The following ROBO1 variants were observed in gnomAD, a reference collection of about 807,000 sequenced individuals.
ROBO1 encodes the protein roundabout homolog 1.
ROBO1 carries 149 observed loss-of-function variants against 195.9 expected under a neutral mutation model. That is an observed-to-expected ratio of 0.76 (90% confidence interval 0.67 to 0.87). The LOEUF is 0.87. Ranked by LOEUF, ROBO1 falls within the 40% of genes least tolerant of loss-of-function variation. ROBO1 has a pLI of 0.00. For synonymous variants in ROBO1, 816 were observed against 733.2 expected (o/e 1.11, Z -1.82); for missense variants, 1,933 against 2,068.3 (o/e 0.93, Z 1.27).
At chr3:78,976,851 C>G (rs1052756699) in intron 3 of ROBO1, among the ~76,000 whole-genome samples, 3 of 152,114 alleles carry the variant, frequency 2.0e-5, no homozygotes. Context: ...TATTAATTTT[C>G]TCCAAAACGT....
At chr3:79,122,923 T>A (rs1346970846) in intron 3 of ROBO1, among the ~76,000 whole-genome samples, 1 of 151,868 alleles carries the variant, frequency 6.6e-6, no homozygotes, top group Non-Finnish European at 1.5e-5. Context: ...CTCAATGAAA[T>A]GAAGCAACAT....
At chr3:78,894,131 T>G (rs1451273719) in intron 4 of ROBO1, among the ~76,000 whole-genome samples, 1 of 152,180 alleles carries the variant, frequency 6.6e-6, no homozygotes, top group Non-Finnish European at 1.5e-5. Context: ...AAAGAATATA[T>G]GGTTCTAACG....
At chr3:79,079,319 C>T (rs2079229460) in intron 3 of ROBO1, among the ~76,000 whole-genome samples, 1 of 151,702 alleles carries the variant, frequency 6.6e-6, no homozygotes, top group Non-Finnish European at 1.5e-5. Context: ...AATTAATTAT[C>T]TGAATAGACT....
At chr3:78,652,323 C>T (rs187587454) in intron 18 of ROBO1, among the ~76,000 whole-genome samples, 2 of 152,100 alleles carry the variant, frequency 1.3e-5, no homozygotes, top group African/African-American at 4.8e-5. Context: ...TACATGTACA[C>T]ATAAGGAATA....
At chr3:78,895,284 T>A (rs1480237265) in intron 4 of ROBO1, among the ~76,000 whole-genome samples, 2 of 151,962 alleles carry the variant, frequency 1.3e-5, no homozygotes, top group Non-Finnish European at 2.9e-5. Flanking sequence ...ATGCAGAAGC[T>A]TTAAACATAA....
chr3:79,746,869 T>C (rs1703900486), intron 1 of ROBO1, among the ~76,000 whole-genome samples: 1 of 152,102 alleles, frequency 6.6e-6, no homozygotes, highest in South Asian at 2.1e-4. Context: ...TTATAAAGAA[T>C]CATGGATTAA....
intron 2 of ROBO1, among the ~76,000 whole-genome samples, chr3:79,431,162 G>C (rs1382930126): frequency 6.6e-6 from 1 of 152,078 alleles, no homozygotes; most frequent in Non-Finnish European, 1.5e-5. Context: ...CAGCAACTTG[G>C]CATGAGGGCC....
chr3:79,009,730 C>T (rs192040162), intron 3 of ROBO1, among the ~76,000 whole-genome samples: 5 of 152,286 alleles, frequency 3.3e-5, no homozygotes, highest in Admixed American at 2.0e-4. Context: ...GAAGAACACA[C>T]CTTTAAAGGA....
chr3:78,686,813 T>C (rs2081062536), intron 9 of ROBO1, among the ~76,000 whole-genome samples: 1 of 152,152 alleles, frequency 6.6e-6, no homozygotes, highest in Admixed American at 6.5e-5. Context: ...TTAACACATA[T>C]CTTGTTTCTC....
In ROBO1 at chr3:79,352,490, T is replaced by A. The variant is rs956361575; in HGVS notation, c.89-226951A>T. On this transcript the variant is annotated intron_variant, in intron 2 of 30. Coordinates refer to ENST00000464233, the MANE Select transcript of ROBO1 (RefSeq NM_002941.4). ...AACTAGACTACGGACGTTAATCAGA[T>A]TTCACAAGTTTTTGCCTGCACTCAG... Among the ~76,000 whole-genome samples, 7 of 152,190 alleles carry A rather than the reference T, an allele frequency of 4.6e-5. No homozygotes were observed. The East Asian group carries it at 1.3e-3, about 29-fold the overall frequency.
At chr3:79,565,773 G>T (rs1429601220) in intron 2 of ROBO1, among the ~76,000 whole-genome samples, 2 of 152,028 alleles carry the variant, frequency 1.3e-5, no homozygotes, top group Admixed American at 6.6e-5. Context: ...TGAATGTAAA[G>T]ATATTTAGCA....
intron 2 of ROBO1, among the ~76,000 whole-genome samples, chr3:79,126,633 G>A (rs1242534930): frequency 2.0e-5 from 3 of 152,144 alleles, no homozygotes; most frequent in South Asian, 4.1e-4. Flanking sequence ...GATGTTCTGC[G>A]GGCTTTCAAG....
intron 2 of ROBO1, among the ~76,000 whole-genome samples, chr3:79,474,486 A>G (rs890043373): frequency 6.6e-6 from 1 of 152,062 alleles, no homozygotes; most frequent in African/African-American, 2.4e-5. Context: ...TGGTTAGGTG[A>G]GGGTTGAATG....
intron 2 of ROBO1, among the ~76,000 whole-genome samples, chr3:79,569,152 G>T (rs1334704712): frequency 6.6e-6 from 1 of 151,886 alleles, no homozygotes; most frequent in East Asian, 1.9e-4. Flanking sequence ...ACACACGCAC[G>T]ATTTGTTTAA....
chr3:78,614,483 C>T (rs1380024626), intron 28 of ROBO1, among the ~76,000 whole-genome samples, 165 bp downstream of exon 28: 1 of 152,030 alleles, frequency 6.6e-6, no homozygotes, highest in Non-Finnish European at 1.5e-5. Flanking sequence ...AGTAGAGATG[C>T]TTGACAAAAT....
intron 25 of ROBO1, 67 bp from the exon 26 acceptor site, chr3:78,627,636 T>C: frequency 1.4e-6 from 2 of 1,454,964 alleles, no homozygotes; most frequent in South Asian, 2.8e-5. Context: ...TGGATAGTAA[T>C]GAAATGTCAC....
chr3:79,398,312 A>C (rs1188092601), intron 2 of ROBO1, among the ~76,000 whole-genome samples: 2 of 152,196 alleles, frequency 1.3e-5, no homozygotes, highest in African/African-American at 4.8e-5. Context: ...AAAGTGAATT[A>C]CACTAAAATC....
intron 5 of ROBO1, 95 bp downstream of exon 5, chr3:78,746,648 T>G (rs2082664143): frequency 1.8e-6 from 2 of 1,083,018 alleles, no homozygotes; most frequent in South Asian, 6.7e-5. Context: ...AAGCCTTTAT[T>G]GAAAATAATC....
intron 1 of ROBO1, among the ~76,000 whole-genome samples, chr3:79,747,683 A>G (rs1264819237): frequency 6.6e-6 from 1 of 152,074 alleles, no homozygotes; most frequent in Non-Finnish European, 1.5e-5. Context: ...AAACTAAAAG[A>G]CATCCCAGGA....
Sources: gnomAD v4.1 joint callset for allele counts (sites outside exome capture counted in the v4.1 genomes callset) on GRCh38, gnomAD v4.1.1 for gene constraint, MANE v1.5 for transcripts, NCBI Gene and HGNC (gene_info 2026-07-23, HGNC 2026-07-21) for gene names.